HOXC4: variants seen among roughly 807,000 people sequenced by gnomAD.
The protein encoded by HOXC4 is homeobox C4.
In HOXC4, 15 loss-of-function variants were observed where a neutral mutation model predicts 25.5. The observed-to-expected ratio is 0.59, with a 90% CI of 0.39 to 0.91. The LOEUF is 0.91. Among genes scored for constraint, HOXC4 ranks in the 40% least tolerant of loss-of-function variants. The probability of loss-of-function intolerance (pLI) is 0.00; values close to 1 mark genes in which losing one functional copy is unlikely to be tolerated. For missense variants in HOXC4, 342 were observed against 352.4 expected, an observed-to-expected ratio of 0.97 and a Z score of 0.24; for synonymous variants, 165 against 148.0, an observed-to-expected ratio of 1.11 and a Z score of -0.83.
intron 1 of HOXC4, among the ~76,000 whole-genome samples, chr12:54,038,802 G>C (rs1941227539): frequency 6.6e-6 from 1 of 152,126 alleles, no homozygotes. Flanking sequence ...ATGGGTGAGG[G>C]AGCAGAGGCA....
chr12:54,037,875 A>G (rs898172064), intron 1 of HOXC4: 3 of 152,238 alleles, frequency 2.0e-5, no homozygotes, highest in African/African-American at 7.2e-5. Flanking sequence ...TACATCATAT[A>G]TAATCTTAAC....
At chr12:54,043,508 C>G (rs189896756) in intron 1 of HOXC4, among the ~76,000 whole-genome samples, 15 of 152,306 alleles carry the variant, frequency 9.8e-5, no homozygotes, top group Admixed American at 5.2e-4. Flanking sequence ...CAGTAACCAG[C>G]ATGGAACCAA....
exon 1 of HOXC4, chr12:54,017,043 G>C (rs1046119569): frequency 1.3e-5 from 2 of 152,060 alleles, no homozygotes; most frequent in Non-Finnish European, 2.9e-5. Context: ...GCCGAAGCTG[G>C]GGGCAGCTGG....
chr12:54,039,850 ACT>A (rs1941242246), intron 1 of HOXC4, among the ~76,000 whole-genome samples: 1 of 151,610 alleles, frequency 6.6e-6, no homozygotes, highest in African/African-American at 2.4e-5. Context: ...ACCCGCCCTG[ACT>A]CTCGGCCAAA....
At chr12:54,051,151 C>G (rs992286861), upstream of HOXC4, among the ~76,000 whole-genome samples, 2 of 151,990 alleles carry the variant, frequency 1.3e-5, no homozygotes, top group Non-Finnish European at 2.9e-5. Context: ...AGTGTGAGGG[C>G]TGAGAGGATG....
rs201279056 is a variant in HOXC4, at chr12:54,055,053, C to A, written c.643C>A (p.His215Asn). 5.3e-5 allele frequency: 86 copies of A among 1,613,742 alleles called. No individual in the cohort carries two copies. In the East Asian group the frequency reaches 1.3e-3, roughly 24 times the overall value. ...QNRRMKWKKDHRLPNTKVRSA... is the reference protein window; with the variant it reads ...QNRRMKWKKDNRLPNTKVRSA... ...CCGTCGCATGAAATGGAAGAAGGAC[C>A]ACCGACTCCCCAACACCAAAGTCAG... The change falls in exon 2 of 2, where the codon CAC becomes AAC. Residue 215 changes from histidine (H) to asparagine (N), a missense_variant. Coordinates refer to ENST00000430889, the MANE Select transcript of HOXC4 (RefSeq NM_153633.3).
chr12:54,024,014 A>G (rs1376480868), intron 1 of HOXC4, among the ~76,000 whole-genome samples: 6 of 152,194 alleles, frequency 3.9e-5, no homozygotes, highest in Non-Finnish European at 8.8e-5. Flanking sequence ...AGTAGAATTT[A>G]TTTTTTAATT....
At chr12:54,035,115 T>C in intron 1 of HOXC4, 1 of 154,130 alleles carries the variant, frequency 6.5e-6, no homozygotes, top group Non-Finnish European at 1.4e-5. Context: ...CCCGGGAACC[T>C]CCCCAGCCTG....
intron 1 of HOXC4, chr12:54,034,193 G>C (rs1393018524): frequency 7.7e-7 from 1 of 1,298,300 alleles, no homozygotes; most frequent in Non-Finnish European, 1.1e-6. Context: ...TCCGGCCGCG[G>C]GTGGGGGCCT....
At chr12:54,028,959 T>G (rs1185107543) in intron 1 of HOXC4, 1 of 1,554,980 alleles carries the variant, frequency 6.4e-7, no homozygotes, top group Non-Finnish European at 8.7e-7. Context: ...TTAAATAAAC[T>G]GAACTGGCTT....
At chr12:54,027,369 G>A (rs1375443172) in intron 1 of HOXC4, among the ~76,000 whole-genome samples, 1 of 152,166 alleles carries the variant, frequency 6.6e-6, no homozygotes, top group African/African-American at 2.4e-5. Flanking sequence ...GGGCAGGGGG[G>A]CTTCTGACCA....
chr12:54,050,921 C>T (rs763472648), upstream of HOXC4, among the ~76,000 whole-genome samples: 1 of 151,928 alleles, frequency 6.6e-6, no homozygotes, highest in Non-Finnish European at 1.5e-5. Context: ...CCATAATAAC[C>T]AAAGACAGAC....
intron 1 of HOXC4, among the ~76,000 whole-genome samples, chr12:54,032,286 C>A (rs921384714): frequency 6.6e-6 from 1 of 152,212 alleles, no homozygotes; most frequent in African/African-American, 2.4e-5. Context: ...AGCTTCATGA[C>A]CCCCCTATCT....
At chr12:54,025,832 C>G (rs1045521051) in intron 1 of HOXC4, among the ~76,000 whole-genome samples, 17 of 152,126 alleles carry the variant, frequency 1.1e-4, no homozygotes, top group African/African-American at 4.1e-4. Flanking sequence ...GGGCCCCTTT[C>G]CTCTCCAGAC....
rs751979698 is a variant in HOXC4, at chr12:54,054,365, G to A, written c.439+4G>A. ...AAAAAAATTCACGTTAGCACGGGTAGGCAACTTTGCTTTTTGCTCCCCCCC... is the reference window on the plus strand; with the variant it reads ...AAAAAAATTCACGTTAGCACGGGTAAGCAACTTTGCTTTTTGCTCCCCCCC... On this transcript the variant is annotated splice_donor_region_variant and intron_variant, in intron 1 of 1. Transcript: ENST00000430889. The A allele has an allele frequency of 6.5e-7, 1 of 1,530,376 alleles. No homozygotes were observed. Among genetic ancestry groups the A allele is most frequent in the Non-Finnish European group, 8.8e-7 (1 of 1,141,290 alleles). 94.8% of individuals were successfully genotyped at this position (1,530,376 alleles called of 1,614,324 possible). A position where few individuals can be genotyped will look rare whatever the true frequency, so the allele number is the denominator to read the frequency against.
At chr12:54,037,171 G>A (rs967845616) in intron 1 of HOXC4, among the ~76,000 whole-genome samples, 1 of 152,188 alleles carries the variant, frequency 6.6e-6, no homozygotes, top group Non-Finnish European at 1.5e-5. Context: ...AGTCAGCGGC[G>A]GCAACCAAGC....
intron 1 of HOXC4, chr12:54,020,469 G>A (rs1425654550): frequency 2.0e-5 from 3 of 152,258 alleles, no homozygotes; most frequent in Non-Finnish European, 4.4e-5. Flanking sequence ...CCGACAGAAT[G>A]CGACCTTGTT....
chr12:54,051,782 G>A (rs1371378581), upstream of HOXC4, among the ~76,000 whole-genome samples: 1 of 152,246 alleles, frequency 6.6e-6, no homozygotes, highest in African/African-American at 2.4e-5. Context: ...GAGGAGGGAA[G>A]GCAACGAGGG....
intron 1 of HOXC4, among the ~76,000 whole-genome samples, chr12:54,046,906 G>A (rs1258394496): frequency 6.6e-6 from 1 of 152,156 alleles, no homozygotes; most frequent in Non-Finnish European, 1.5e-5. Flanking sequence ...CTGCTGCCAG[G>A]TGCCCGCTGG....
Sources: allele counts gnomAD v4.1 joint callset (sites outside exome capture counted in the v4.1 genomes callset), GRCh38; gene constraint gnomAD v4.1.1; transcripts MANE v1.5; gene names NCBI Gene and HGNC (gene_info 2026-07-23, HGNC 2026-07-21).